Variants in SLC39A11 observed in about 807,000 individuals in gnomAD.
SLC39A11 encodes the protein zinc transporter ZIP11.
Under a neutral mutation model 36.1 loss-of-function variants are expected in SLC39A11, and 33 were observed. That is an observed-to-expected ratio of 0.91 (90% CI 0.69 to 1.22). SLC39A11 has a LOEUF of 1.22. Ranked by LOEUF, SLC39A11 falls within the 50% of genes most tolerant of loss-of-function variation. SLC39A11 has a pLI of 0.00. For synonymous variants in SLC39A11, 166 were observed against 170.3 expected (o/e 0.97, Z 0.20); for missense variants, 432 against 430.3 (o/e 1.00, Z -0.03).
At chr17:72,917,975 C>T (rs569395661) in intron 5 of SLC39A11, among the ~76,000 whole-genome samples, 1 of 152,322 alleles carries the variant, frequency 6.6e-6, no homozygotes, top group East Asian at 1.9e-4. Flanking sequence ...AAGACCTCAC[C>T]TCATCGGCAC....
chr17:72,841,299 C>T (rs531831570), intron 6 of SLC39A11, among the ~76,000 whole-genome samples: 11 of 152,278 alleles, frequency 7.2e-5, no homozygotes, highest in Non-Finnish European at 1.0e-4. Flanking sequence ...CAGGTAATTG[C>T]ATCCATCAAG....
In SLC39A11 at chr17:72,967,237, T is replaced by C. The variant is rs927668416; in HGVS notation, c.307-19362A>G. Among the ~76,000 whole-genome samples the C allele has an allele frequency of 2.6e-5, 4 of 152,306 alleles. No individual in the cohort carries two copies. The East Asian group carries it at 5.8e-4, about 22-fold the overall frequency. ...CCACAACCATCCATCCCCCGCTCTG[T>C]AGAAAAATTGTCTTCCATGAAACTG... On this transcript the variant is annotated intron_variant, in intron 4 of 9. Transcript: ENST00000255559.
chr17:72,809,989 A>T (rs1489741229), intron 6 of SLC39A11, among the ~76,000 whole-genome samples: 5 of 151,852 alleles, frequency 3.3e-5, no homozygotes, highest in African/African-American at 1.2e-4. Context: ...GCTTGAACCC[A>T]GGAGGCAGAA....
chr17:72,658,282 T>C (rs1332043168), intron 7 of SLC39A11, among the ~76,000 whole-genome samples: 1 of 152,140 alleles, frequency 6.6e-6, no homozygotes, highest in African/African-American at 2.4e-5. Flanking sequence ...AGGCGGACAG[T>C]CTGAGGTACT....
At chr17:72,809,912 A>G (rs2077380110) in intron 6 of SLC39A11, among the ~76,000 whole-genome samples, 2 of 152,110 alleles carry the variant, frequency 1.3e-5, no homozygotes, top group Admixed American at 1.3e-4. Context: ...TCTACTAAAA[A>G]TACAAAAACT....
intron 5 of SLC39A11, among the ~76,000 whole-genome samples, chr17:72,942,084 A>AGGG (rs1491111785): frequency 6.6e-6 from 1 of 150,866 alleles, no homozygotes; most frequent in Non-Finnish European, 1.5e-5. Flanking sequence ...TAGTAGAGAC[A>AGGG]GGGGTTTCAC....
In SLC39A11 at chr17:72,914,861, C is replaced by T. The variant is rs1366797617; in HGVS notation, c.430+32891G>A. 1.1e-4 allele frequency among the ~76,000 whole-genome samples: 13 copies of T among 114,752 alleles called. 1 individual carries two copies. Among genetic ancestry groups the T allele is most frequent in the Non-Finnish European group, 2.9e-4 (13 of 44,944 alleles). 75.3% of individuals were successfully genotyped at this position (114,752 alleles called of 152,430 possible). A position where few individuals can be genotyped will look rare whatever the true frequency, so the allele number is the denominator to read the frequency against. On this transcript the variant is annotated intron_variant, in intron 5 of 9. Coordinates refer to ENST00000255559, the MANE Select transcript of SLC39A11 (RefSeq NM_139177.4). ...CCAGCCTGGGCGACAGAGCCAGACT[C>T]TGTCTCATAAATAAATAAATAAATA...
At chr17:72,707,257 A>C (rs34409196) in intron 7 of SLC39A11, among the ~76,000 whole-genome samples, 34,231 of 151,886 alleles carry the variant, frequency 0.23, 4,780 homozygotes, top group Admixed American at 0.36. Context: ...TTCTTTAAGT[A>C]GCTGGGTGTA....
intron 5 of SLC39A11, among the ~76,000 whole-genome samples, chr17:72,947,063 G>A (rs955077372): frequency 6.6e-6 from 1 of 152,230 alleles, no homozygotes; most frequent in Non-Finnish European, 1.5e-5. Context: ...GCTCATGCCT[G>A]TAATTCCAGC....
At chr17:72,794,472 A>G (rs1253177548) in intron 6 of SLC39A11, among the ~76,000 whole-genome samples, 2 of 152,016 alleles carry the variant, frequency 1.3e-5, no homozygotes, top group Non-Finnish European at 2.9e-5. Context: ...GTTTCTTCTC[A>G]TCACTCTAAA....
rs914953866 is a variant in SLC39A11, at chr17:72,747,896, T to C, written c.602-11177A>G. 2.0e-5 allele frequency among the ~76,000 whole-genome samples: 3 copies of C among 152,234 alleles called. No individual in the cohort carries two copies. In the East Asian group the frequency reaches 5.8e-4, roughly 29 times the overall value. On this transcript the variant is annotated intron_variant, in intron 6 of 9. Coordinates refer to ENST00000255559, the MANE Select transcript of SLC39A11 (RefSeq NM_139177.4). Reference sequence around the variant, plus strand: ...TAAAGGATGGAAACTTACCAACTTATTTTCTTGAAAAAGTAGTTTGATGCA... The same window carrying C: ...TAAAGGATGGAAACTTACCAACTTACTTTCTTGAAAAAGTAGTTTGATGCA...
chr17:72,788,348 T>TTTTCTCTGATGATC (rs2076587263), intron 6 of SLC39A11, among the ~76,000 whole-genome samples: 1 of 152,172 alleles, frequency 6.6e-6, no homozygotes, highest in Non-Finnish European at 1.5e-5. Flanking sequence ...GCATTATTAG[T>TTTTCTCTGATGATC]TTTCTCTGAT....
At chr17:72,836,697 G>A (rs1331783752) in intron 6 of SLC39A11, among the ~76,000 whole-genome samples, 1 of 152,094 alleles carries the variant, frequency 6.6e-6, no homozygotes, top group Non-Finnish European at 1.5e-5. Context: ...AAACAGGGAC[G>A]CAAATATCTA....
intron 4 of SLC39A11, among the ~76,000 whole-genome samples, chr17:73,026,335 GT>G (rs1399195477): frequency 6.6e-6 from 1 of 151,688 alleles, no homozygotes; most frequent in East Asian, 2.0e-4. Flanking sequence ...ACCAGCCATG[GT>G]GAAACCCCAT....
At chr17:72,807,250 T>C (rs76588691) in intron 6 of SLC39A11, among the ~76,000 whole-genome samples, 1,703 of 152,356 alleles carry the variant, frequency 0.011, 27 homozygotes, top group African/African-American at 0.039. Context: ...AATTTTTCTG[T>C]CTTTATCTTT....
At chr17:72,954,652 C>T (rs770963606) in intron 4 of SLC39A11, among the ~76,000 whole-genome samples, 1 of 152,206 alleles carries the variant, frequency 6.6e-6, no homozygotes, top group African/African-American at 2.4e-5. Context: ...TAATGACACT[C>T]GTAACACAAT....
intron 6 of SLC39A11, among the ~76,000 whole-genome samples, chr17:72,834,025 T>C (rs1158796772): frequency 6.6e-6 from 1 of 152,242 alleles, no homozygotes; most frequent in Non-Finnish European, 1.5e-5. Flanking sequence ...TCTCTTACAC[T>C]GTCTTCCAGA....
At chr17:72,808,504 A>G (rs2077331727) in intron 6 of SLC39A11, among the ~76,000 whole-genome samples, 1 of 152,222 alleles carries the variant, frequency 6.6e-6, no homozygotes, top group Admixed American at 6.5e-5. Flanking sequence ...AGACTACAAG[A>G]TTAGGATTAC....
At chr17:72,751,538 A>G (rs1306101992) in intron 6 of SLC39A11, among the ~76,000 whole-genome samples, 1 of 152,164 alleles carries the variant, frequency 6.6e-6, no homozygotes, top group South Asian at 2.1e-4. Flanking sequence ...CATTAAGTGC[A>G]ATCACTTTTG....
Sources: allele counts gnomAD v4.1 joint callset (sites outside exome capture counted in the v4.1 genomes callset), GRCh38; gene constraint gnomAD v4.1.1; transcripts MANE v1.5; gene names NCBI Gene and HGNC (gene_info 2026-07-23, HGNC 2026-07-21).